The following ZNF532 variants were observed in gnomAD, a reference collection of about 807,000 sequenced individuals.
ZNF532 encodes the protein zinc finger protein 532.
ZNF532 carries 22 observed loss-of-function variants against 89.3 expected under a neutral mutation model. The ratio of observed to expected loss-of-function variants is 0.25; its 90% CI spans 0.18 to 0.35. The LOEUF is 0.35. ZNF532 is among the 10% of genes least tolerant of loss of function. The probability of loss-of-function intolerance (pLI) is 1.00; values close to 1 mark genes in which losing one functional copy is unlikely to be tolerated. For synonymous variants in ZNF532, 606 were observed against 649.6 expected, an observed-to-expected ratio of 0.93 and a Z score of 1.02; for missense variants, 1,132 against 1,643.4, an observed-to-expected ratio of 0.69 and a Z score of 5.38.
At chr18:58,975,351 A>G (rs527539623) in intron 7 of ZNF532, among the ~76,000 whole-genome samples, 12 of 152,282 alleles carry the variant, frequency 7.9e-5, no homozygotes, top group African/African-American at 2.4e-4. Flanking sequence ...ACAAGGTGAG[A>G]TGTGGATGCC....
intron 3 of ZNF532, among the ~76,000 whole-genome samples, chr18:58,921,031 A>G (rs1320778290): frequency 6.6e-6 from 1 of 151,976 alleles, no homozygotes; most frequent in Non-Finnish European, 1.5e-5. Context: ...TTGAAGCTGC[A>G]GTGAGCTGTG....
chr18:58,869,762 G>GTTT lies in ZNF532; in HGVS notation c.-18+4202_-18+4204dup, dbSNP rs59118998. 7.4e-4 allele frequency among the ~76,000 whole-genome samples: 82 copies of GTTT among 111,446 alleles called. 3 individuals are homozygous for GTTT. The highest frequency in any genetic ancestry group is 4.4e-3 in the Middle Eastern group (1 of 228). The allele number at this position is 111,446 out of a possible 152,430, so 73.1% of individuals were successfully genotyped here. ...TTGTTTGGAAGATTTTGGAAGATCT[G>GTTT]TTTTTTTTTTTTTTTTTTTTTGGAG... On this transcript the variant is annotated intron_variant, in intron 2 of 9. Coordinates refer to ENST00000591808, the MANE Select transcript of ZNF532 (RefSeq NM_001375912.1).
At chr18:58,951,647 T>TTTTTTTTTTTTGG (rs71336310) in intron 6 of ZNF532, among the ~76,000 whole-genome samples, 70 of 27,732 alleles carry the variant, frequency 2.5e-3, no homozygotes, top group East Asian at 4.8e-3. Context: ...CGCCCTGTTG[T>TTTTTTTTTTTTGG]TTTTTTTTTT....
intron 2 of ZNF532, among the ~76,000 whole-genome samples, chr18:58,892,358 T>C (rs1166459717): frequency 6.6e-6 from 1 of 152,232 alleles, no homozygotes; most frequent in African/African-American, 2.4e-5. Flanking sequence ...TGAATTGACA[T>C]GGAGTGTCTG....
intron 2 of ZNF532, among the ~76,000 whole-genome samples, chr18:58,910,950 C>G (rs2060244861): frequency 6.6e-6 from 1 of 151,890 alleles, no homozygotes. Flanking sequence ...GTGATTGTAG[C>G]TCACTGTAGC....
At chr18:58,940,288 T>C (rs934398880) in intron 5 of ZNF532, 5 of 152,208 alleles carry the variant, frequency 3.3e-5, no homozygotes, top group African/African-American at 9.7e-5. Flanking sequence ...TAGGGTACAC[T>C]TTTGCTTAAA....
At chr18:58,922,703 C>T (rs1291859504) in intron 3 of ZNF532, among the ~76,000 whole-genome samples, 4 of 152,188 alleles carry the variant, frequency 2.6e-5, no homozygotes, top group African/African-American at 7.2e-5. Context: ...CTGTTGTCTT[C>T]GTGTCTGTGT....
At chr18:58,954,580 A>G (rs2064556818) in intron 7 of ZNF532, among the ~76,000 whole-genome samples, 1 of 149,404 alleles carries the variant, frequency 6.7e-6, no homozygotes, top group East Asian at 1.9e-4. Context: ...TTTTTAATGT[A>G]TGGTTGATTT....
chr18:58,887,372 A>G (rs950167193), intron 2 of ZNF532, among the ~76,000 whole-genome samples: 3 of 152,206 alleles, frequency 2.0e-5, no homozygotes, highest in Non-Finnish European at 2.9e-5. Context: ...GAGGCTTTAT[A>G]TATTCAGTAA....
chr18:58,897,571 A>G (rs961675759), intron 2 of ZNF532, among the ~76,000 whole-genome samples: 5 of 152,262 alleles, frequency 3.3e-5, no homozygotes, highest in Non-Finnish European at 5.9e-5. Context: ...GGCATTAGGA[A>G]AAATGATGAG....
intron 6 of ZNF532, 84 bp downstream of exon 6, chr18:58,948,313 T>A: frequency 2.1e-6 from 3 of 1,397,498 alleles, no homozygotes; most frequent in Non-Finnish European, 2.9e-6. Flanking sequence ...CAGGTGACTC[T>A]AAAGCATGCC....
chr18:58,932,925 C>G (rs2146425697), intron 3 of ZNF532, among the ~76,000 whole-genome samples: 1 of 151,840 alleles, frequency 6.6e-6, no homozygotes, highest in South Asian at 2.1e-4. Flanking sequence ...TGTTTTTTGA[C>G]TTCTTTTAGT....
At chr18:58,882,748 C>T (rs1736874585) in intron 2 of ZNF532, among the ~76,000 whole-genome samples, 1 of 152,180 alleles carries the variant, frequency 6.6e-6, no homozygotes, top group African/African-American at 2.4e-5. Context: ...CCCCAGTCTC[C>T]AAAGAGAATA....
At chr18:58,890,769 A>C (rs1602702692) in intron 2 of ZNF532, among the ~76,000 whole-genome samples, 10 of 139,182 alleles carry the variant, frequency 7.2e-5, no homozygotes, top group Non-Finnish European at 9.4e-5. Flanking sequence ...CCCCCACTCC[A>C]CCTCTTCCTC....
In ZNF532 at chr18:58,934,605, T is replaced by C; in HGVS notation, c.2519T>C (p.Val840Ala). ...AACTGTCTGCACTACACGAGGAGAG[T>C]TGGTTTTCGGTCAGTATATCATTCA... ...TKNCLHYTRRVGFRCVHCNVV... is the reference protein window; with the variant it reads ...TKNCLHYTRRAGFRCVHCNVV... Residue 840 changes from valine (V) to alanine (A), a missense_variant, in exon 4 of 10, where the codon GTT (valine) becomes GCT (alanine). By Grantham distance (64) the Val-to-Ala change is moderately conservative. Transcript: ENST00000591808. 1 of 1,613,044 alleles carries C rather than the reference T, an allele frequency of 6.2e-7. No homozygotes were observed.
chr18:58,868,938 G>C (rs892448631), intron 2 of ZNF532, among the ~76,000 whole-genome samples: 1 of 152,174 alleles, frequency 6.6e-6, no homozygotes, highest in Admixed American at 6.5e-5. Context: ...TAGGCTATAT[G>C]GTGTAGCCCA....
intron 2 of ZNF532, among the ~76,000 whole-genome samples, chr18:58,897,022 G>A (rs2059295814): frequency 6.6e-6 from 1 of 152,166 alleles, no homozygotes; most frequent in Non-Finnish European, 1.5e-5. Flanking sequence ...CTAGTCTTAG[G>A]TTGTAAGCTT....
intron 6 of ZNF532, among the ~76,000 whole-genome samples, chr18:58,949,401 A>G (rs2063949563): frequency 6.6e-6 from 1 of 152,186 alleles, no homozygotes; most frequent in African/African-American, 2.4e-5. Flanking sequence ...TTGCTCTTTT[A>G]AAAATACATT....
intron 2 of ZNF532, among the ~76,000 whole-genome samples, chr18:58,884,888 C>G (rs1485088963): frequency 6.6e-6 from 1 of 152,016 alleles, no homozygotes; most frequent in Non-Finnish European, 1.5e-5. Flanking sequence ...CATGGATTTT[C>G]CTGAGGTTTA....
Sources: gnomAD v4.1 joint callset for allele counts (sites outside exome capture counted in the v4.1 genomes callset) on GRCh38, gnomAD v4.1.1 for gene constraint, MANE v1.5 for transcripts, NCBI Gene and HGNC (gene_info 2026-07-23, HGNC 2026-07-21) for gene names.